Variants in OR51B5 observed in about 807,000 individuals in gnomAD.
OR51B5 encodes olfactory receptor family 51 subfamily B member 5.
For missense variants in OR51B5, 456 were observed against 374.6 expected, an observed-to-expected ratio of 1.22 and a Z score of -1.79; for synonymous variants, 186 against 144.8, an observed-to-expected ratio of 1.28 and a Z score of -2.04.
rs552836536 is a variant in OR51B5, at chr11:5,350,820, A to G, written n.85-3910T>C. On this transcript the variant is annotated intron_variant and non_coding_transcript_variant, in intron 1 of 4. Coordinates refer to the OR51B5 transcript ENST00000415970. ...ATAAAGCTGGGCAACTTAGAGTTCT[A>G]TGTGCTTTGGAAACACACACAGGTA... 2.6e-5 allele frequency among the ~76,000 whole-genome samples: 4 copies of G among 152,298 alleles called. No homozygotes were observed. The South Asian group carries it at 8.3e-4, about 32-fold the overall frequency.
intron 1 of OR51B5, among the ~76,000 whole-genome samples, chr11:5,404,646 G>A (rs751947660): frequency 6.6e-6 from 1 of 152,214 alleles, no homozygotes; most frequent in Non-Finnish European, 1.5e-5. Flanking sequence ...CTTGCACGCT[G>A]TGGAAGCTTT....
chr11:5,483,508 T>TAAAA (rs373550440), intron 1 of OR51B5, among the ~76,000 whole-genome samples: 1 of 96,674 alleles, frequency 1.0e-5, no homozygotes, highest in African/African-American at 3.9e-5. Flanking sequence ...AAAGTATAAT[T>TAAAA]AAAAAAAAAA....
chr11:5,484,951 T>A (rs11037735), intron 1 of OR51B5, among the ~76,000 whole-genome samples: 5,090 of 152,304 alleles, frequency 0.033, 274 homozygotes, highest in African/African-American at 0.12. Flanking sequence ...GCTTTATAGG[T>A]TTTGGTTGAT....
intron 1 of OR51B5, among the ~76,000 whole-genome samples, chr11:5,501,632 T>C (rs188545345): frequency 6.8e-6 from 1 of 148,054 alleles, no homozygotes; most frequent in Non-Finnish European, 1.5e-5. Context: ...AGCTGTTTCC[T>C]AAGACTTTAT....
intron 1 of OR51B5, chr11:5,389,963 T>A (rs760873575): frequency 6.2e-7 from 1 of 1,611,876 alleles, no homozygotes; most frequent in South Asian, 1.1e-5. Context: ...CCTCTCCCAC[T>A]CATTTTGCCT....
intron 1 of OR51B5, chr11:5,389,390 C>A (rs779898309): frequency 1.2e-6 from 2 of 1,608,700 alleles, no homozygotes; most frequent in Non-Finnish European, 1.7e-6. Flanking sequence ...TCAGCTCAAT[C>A]CCCGAGGAAT....
chr11:5,351,649 A>G, intron 1 of OR51B5: 1 of 1,614,118 alleles, frequency 6.2e-7, no homozygotes. Context: ...CTTTCTCATC[A>G]GGAATGATCA....
At chr11:5,459,775 G>A (rs1590009349) in intron 1 of OR51B5, among the ~76,000 whole-genome samples, 1 of 152,196 alleles carries the variant, frequency 6.6e-6, no homozygotes, top group Admixed American at 6.5e-5. Flanking sequence ...CTTATGCACT[G>A]TTGGTGGGAG....
chr11:5,410,015 C>A (rs1248660629), intron 1 of OR51B5, among the ~76,000 whole-genome samples: 6 of 151,996 alleles, frequency 3.9e-5, no homozygotes, highest in African/African-American at 1.4e-4. Flanking sequence ...CCACCAACAT[C>A]CCATTCTATA....
In OR51B5 at chr11:5,456,440, C is replaced by A. The variant is rs557963024; in HGVS notation, n.84+49129G>T. The stretch of plus-strand genomic sequence containing the variant: ...AATCCTAAAAAGGTCTAAGCTAAGC[C>A]CTGTTTTTGTTTTTTTGACCTTGGG... On this transcript the variant is annotated intron_variant and non_coding_transcript_variant, in intron 1 of 4. Transcript: ENST00000415970. The A allele has an allele frequency of 4.6e-5, 7 of 152,128 alleles. 1 individual carries two copies. The South Asian group carries it at 1.2e-3, about 27-fold the overall frequency. The allele number at this position is 152,128 out of a possible 1,614,324, so 9.4% of individuals were successfully genotyped here.
intron 1 of OR51B5, among the ~76,000 whole-genome samples, chr11:5,457,566 C>T (rs1020247641): frequency 2.6e-5 from 4 of 152,208 alleles, no homozygotes; most frequent in Non-Finnish European, 5.9e-5. Context: ...AGTGGCTGAA[C>T]TAATTTACAT....
At chr11:5,437,678 G>T (rs1850611023) in intron 1 of OR51B5, among the ~76,000 whole-genome samples, 1 of 152,232 alleles carries the variant, frequency 6.6e-6, no homozygotes, top group African/African-American at 2.4e-5. Flanking sequence ...CAAATGAGAA[G>T]AAGGAAGTCA....
upstream of OR51B5, among the ~76,000 whole-genome samples, chr11:5,347,217 C>T (rs1564913961): frequency 2.0e-5 from 3 of 152,166 alleles, no homozygotes; most frequent in African/African-American, 7.2e-5. Flanking sequence ...TTTACTTCAA[C>T]AGTCAAATCT....
At chr11:5,389,958 C>T (rs1849767853) in intron 1 of OR51B5, 1 of 1,611,658 alleles carries the variant, frequency 6.2e-7, no homozygotes, top group South Asian at 1.1e-5. Context: ...GTGGTCCTCT[C>T]CCACTCATTT....
intron 1 of OR51B5, among the ~76,000 whole-genome samples, chr11:5,366,633 T>TAGGGAGGGAGGA (rs1253059522): frequency 9.6e-5 from 11 of 114,064 alleles, no homozygotes; most frequent in African/African-American, 3.8e-4. Flanking sequence ...GAGAGAGAGG[T>TAGGGAGGGAGGA]AGGGAGGGAG....
At chr11:5,406,244 C>G (rs922528816) in intron 1 of OR51B5, among the ~76,000 whole-genome samples, 3 of 152,116 alleles carry the variant, frequency 2.0e-5, no homozygotes, top group Non-Finnish European at 2.9e-5. Flanking sequence ...GATAACTTCT[C>G]CTTAGATGTT....
At chr11:5,445,436 A>G (rs1850745596) in intron 1 of OR51B5, among the ~76,000 whole-genome samples, 1 of 152,070 alleles carries the variant, frequency 6.6e-6, no homozygotes, top group South Asian at 2.1e-4. Context: ...CACTCCTTTT[A>G]CTCCATTACT....
At chr11:5,380,507 CTAAAAAGAG>C (rs1564793895) in intron 1 of OR51B5, among the ~76,000 whole-genome samples, 7 of 152,044 alleles carry the variant, frequency 4.6e-5, no homozygotes, top group Admixed American at 3.3e-4. Flanking sequence ...ACAGAGACAC[CTAAAAAGAG>C]TCTGTTGTGA....
At chr11:5,465,761 A>G (rs973144645) in intron 1 of OR51B5, among the ~76,000 whole-genome samples, 32 of 145,386 alleles carry the variant, frequency 2.2e-4, no homozygotes, top group African/African-American at 7.4e-4. Context: ...CCATATGTAG[A>G]AAGCTGAAAC....
Sources: gnomAD v4.1 joint callset for allele counts (sites outside exome capture counted in the v4.1 genomes callset) on GRCh38, gnomAD v4.1.1 for gene constraint, MANE v1.5 for transcripts, NCBI Gene and HGNC (gene_info 2026-07-23, HGNC 2026-07-21) for gene names.